The following ANO3 variants were observed in gnomAD, a reference collection of about 807,000 sequenced individuals.
ANO3 encodes anoctamin-3.
A neutral mutation model predicts 144.8 loss-of-function variants in ANO3; 99 were observed. The ratio of observed to expected loss-of-function variants is 0.68; its 90% CI spans 0.58 to 0.81. The LOEUF (loss-of-function observed/expected upper bound fraction) is 0.81, where lower values mean the gene tolerates loss of function less well. ANO3 is among the 30% of genes least tolerant of loss of function. ANO3 has a pLI of 0.00. For missense variants in ANO3, 905 were observed against 1,202.2 expected, an observed-to-expected ratio of 0.75 and a Z score of 3.66; for synonymous variants, 414 against 392.6, an observed-to-expected ratio of 1.05 and a Z score of -0.64.
At chr11:26,436,043 C>T (rs569499210) in intron 1 of ANO3, among the ~76,000 whole-genome samples, 1 of 152,242 alleles carries the variant, frequency 6.6e-6, no homozygotes, top group South Asian at 2.1e-4. Flanking sequence ...GCTAGGCTGC[C>T]TCTGATTGCA....
intron 14 of ANO3, chr11:26,565,653 G>T: frequency 1.2e-6 from 2 of 1,613,326 alleles, no homozygotes; most frequent in Non-Finnish European, 1.7e-6. Context: ...GGAATGACTC[G>T]CCTTGAGATT....
chr11:26,427,317 A>G (rs192826726), intron 1 of ANO3: 1 of 153,198 alleles, frequency 6.5e-6, no homozygotes, highest in Non-Finnish European at 1.5e-5. Context: ...TGGCAGTGTT[A>G]ACAAGAATGA....
chr11:26,290,468 C>T (rs1337449154), intron 1 of ANO3, among the ~76,000 whole-genome samples: 1 of 152,088 alleles, frequency 6.6e-6, no homozygotes, highest in Admixed American at 6.6e-5. Context: ...AATGTGTTTG[C>T]TCTTGCTTCT....
At chr11:26,342,336 G>T (rs1281858125) in intron 1 of ANO3, among the ~76,000 whole-genome samples, 1 of 152,226 alleles carries the variant, frequency 6.6e-6, no homozygotes, top group East Asian at 1.9e-4. Context: ...GATATTAAGA[G>T]ATGTGACCTT....
chr11:26,288,079 T>C (rs1043483309), intron 1 of ANO3: 2 of 152,586 alleles, frequency 1.3e-5, no homozygotes, highest in Non-Finnish European at 2.9e-5. Context: ...ATTAATCAAA[T>C]GATTCTGAAA....
intron 4 of ANO3, among the ~76,000 whole-genome samples, chr11:26,476,932 T>TGTGTGTGA (rs1334120290): frequency 0.018 from 2,405 of 133,942 alleles, 37 homozygotes; most frequent in Non-Finnish European, 0.029. Context: ...TGTGTGTGTG[T>TGTGTGTGA]GAGAGAGAGA....
At chr11:26,566,029 T>C in intron 14 of ANO3, 14 of 990,482 alleles carry the variant, frequency 1.4e-5, no homozygotes, top group Non-Finnish European at 2.0e-5. Context: ...TATTCCAAAA[T>C]TGCTTATTTT....
At chr11:26,517,019 A>G (rs1356572773) in intron 6 of ANO3, 92 bp downstream of exon 6, 2 of 614,096 alleles carry the variant, frequency 3.3e-6, no homozygotes, top group South Asian at 6.7e-5. Context: ...AACCCCTTCT[A>G]CAGAGAAAAT....
chr11:26,594,239 TC>T (rs1306607102), intron 14 of ANO3, among the ~76,000 whole-genome samples: 2 of 152,182 alleles, frequency 1.3e-5, no homozygotes, highest in Non-Finnish European at 2.9e-5. Flanking sequence ...TGATTTTGCG[TC>T]CCAATGAGGG....
chr11:26,490,156 C>T (rs1226167861), intron 4 of ANO3, among the ~76,000 whole-genome samples: 1 of 152,114 alleles, frequency 6.6e-6, no homozygotes, highest in African/African-American at 2.4e-5. Context: ...CTGGTTTTTC[C>T]TGTGCTATTC....
Position 26,536,818 on chromosome 11 carries a change from T to C in ANO3, c.977-588T>C, listed in dbSNP as rs141381913. On this transcript the variant is annotated intron_variant, in intron 9 of 26. Coordinates refer to ENST00000256737, the MANE Select transcript of ANO3 (RefSeq NM_031418.4). ...GTAATTATTTCTAATTCTTTACTGA[T>C]ATAAATAATATTGCAACAACAGTTG... 3.1e-3 allele frequency among the ~76,000 whole-genome samples: 466 copies of C among 152,246 alleles called. 8 individuals are homozygous for C. The highest frequency in any genetic ancestry group is 2.1e-3 in the Non-Finnish European group (146 of 67,998).
upstream of ANO3, among the ~76,000 whole-genome samples, chr11:26,307,477 G>A (rs561750082): frequency 1.1e-4 from 17 of 152,140 alleles, no homozygotes; most frequent in South Asian, 4.2e-4. Context: ...GAGGCAGGCC[G>A]ATCACCTAAG....
At chr11:26,534,624 G>T (rs890513293) in intron 9 of ANO3, 62 bp downstream of exon 9, 104 of 1,183,660 alleles carry the variant, frequency 8.8e-5, no homozygotes, top group Non-Finnish European at 1.2e-4. Context: ...CAGAATTATT[G>T]TTTTTTTTAA....
chr11:26,327,881 T>C (rs567916805), upstream of ANO3, among the ~76,000 whole-genome samples: 4 of 152,268 alleles, frequency 2.6e-5, no homozygotes, highest in Admixed American at 2.6e-4. Flanking sequence ...TATAGGCAAC[T>C]TGAAATAATT....
At chr11:26,424,796 G>A (rs970628006) in intron 1 of ANO3, among the ~76,000 whole-genome samples, 9 of 151,956 alleles carry the variant, frequency 5.9e-5, no homozygotes, top group African/African-American at 2.2e-4. Flanking sequence ...GAAAACATCA[G>A]TCAGTCTTCA....
At chr11:26,243,357 C>T (rs779417079) in intron 1 of ANO3, among the ~76,000 whole-genome samples, 13 of 150,198 alleles carry the variant, frequency 8.7e-5, no homozygotes, top group South Asian at 4.2e-4. Flanking sequence ...TTTCACAGGA[C>T]TTCCCAGATT....
intron 1 of ANO3, among the ~76,000 whole-genome samples, chr11:26,379,738 A>G (rs1856533981): frequency 6.6e-6 from 1 of 152,134 alleles, no homozygotes; most frequent in African/African-American, 2.4e-5. Context: ...GGTTTCATTG[A>G]GCAGAGATCA....
At chr11:26,524,840 C>T (rs1184093970) in intron 6 of ANO3, among the ~76,000 whole-genome samples, 1 of 152,136 alleles carries the variant, frequency 6.6e-6, no homozygotes, top group Admixed American at 6.6e-5. Context: ...AGTGTATACT[C>T]CAGCTATTAC....
At chr11:26,207,118 C>T (rs1004117515) in intron 1 of ANO3, among the ~76,000 whole-genome samples, 2 of 152,074 alleles carry the variant, frequency 1.3e-5, no homozygotes, top group African/African-American at 4.8e-5. Flanking sequence ...TCCTAAAGAT[C>T]TACTGTACAG....
Sources: gnomAD v4.1 joint callset for allele counts (sites outside exome capture counted in the v4.1 genomes callset) on GRCh38, gnomAD v4.1.1 for gene constraint, MANE v1.5 for transcripts, NCBI Gene and HGNC (gene_info 2026-07-23, HGNC 2026-07-21) for gene names.